IL1RAPL1: variants seen among roughly 807,000 people sequenced by gnomAD.
The protein encoded by IL1RAPL1 is interleukin 1 receptor accessory protein like 1.
A neutral mutation model predicts 48.4 loss-of-function variants in IL1RAPL1; 3 were observed. The observed-to-expected ratio is 0.06, with a 90% confidence interval of 0.03 to 0.16. The LOEUF (loss-of-function observed/expected upper bound fraction) is 0.16, where lower values mean the gene tolerates loss of function less well. IL1RAPL1 is among the 10% of genes least tolerant of loss of function. IL1RAPL1 has a pLI of 1.00. For synonymous variants in IL1RAPL1, 185 were observed against 187.7 expected (o/e 0.99, Z 0.12); for missense variants, 349 against 530.6 (o/e 0.66, Z 3.36).
At chrX:28,937,008 G>A (rs1424235826) in intron 2 of IL1RAPL1, among the ~76,000 whole-genome samples, 3 of 110,671 alleles carry the variant, frequency 2.7e-5, no homozygotes, top group Non-Finnish European at 5.7e-5. Context: ...TAGCCTCATC[G>A]TCTAGCATAG....
At chrX:29,346,346 G>A (rs988271942) in intron 3 of IL1RAPL1, among the ~76,000 whole-genome samples, 2 of 112,442 alleles carry the variant, frequency 1.8e-5, no homozygotes, top group African/African-American at 6.5e-5. Context: ...GTCAACCTCT[G>A]GTCCAACTCA....
chrX:29,637,934 C>A (rs976521983), intron 5 of IL1RAPL1, among the ~76,000 whole-genome samples: 1 of 111,959 alleles, frequency 8.9e-6, no homozygotes, highest in Non-Finnish European at 1.9e-5. Flanking sequence ...CTTCACACAG[C>A]GGACCTATGT....
intron 7 of IL1RAPL1, among the ~76,000 whole-genome samples, chrX:29,919,462 T>C (rs963977761): frequency 1.8e-5 from 2 of 112,452 alleles, no homozygotes; most frequent in African/African-American, 6.5e-5. Context: ...AGTTTCACGT[T>C]CCTTCAAAAA....
chrX:29,610,318 C>T (rs1311295556), intron 5 of IL1RAPL1, among the ~76,000 whole-genome samples: 1 of 111,681 alleles, frequency 9.0e-6, no homozygotes, highest in East Asian at 2.8e-4. Flanking sequence ...AGTAGAGGAA[C>T]AATTCAAAAG....
chrX:29,405,523 G>C (rs373370933), intron 5 of IL1RAPL1, among the ~76,000 whole-genome samples: 7 of 95,723 alleles, frequency 7.3e-5, no homozygotes, highest in African/African-American at 2.5e-4. Context: ...CCCGCCACTA[G>C]GCCCAGCTAA....
intron 5 of IL1RAPL1, among the ~76,000 whole-genome samples, chrX:29,532,521 A>T (rs754591165): frequency 4.5e-5 from 5 of 111,457 alleles, no homozygotes; most frequent in Admixed American, 1.9e-4. Flanking sequence ...CCAAATCTTC[A>T]GACCCTTGGT....
chrX:29,349,591 T>C (rs912982884), intron 3 of IL1RAPL1, among the ~76,000 whole-genome samples: 1 of 111,155 alleles, frequency 9.0e-6, no homozygotes, highest in African/African-American at 3.3e-5. Flanking sequence ...CCCCAACGAG[T>C]CTATGACATC....
intron 3 of IL1RAPL1, among the ~76,000 whole-genome samples, chrX:29,309,012 A>G (rs1932665843): frequency 8.9e-6 from 1 of 112,565 alleles, no homozygotes; most frequent in Non-Finnish European, 1.9e-5. Flanking sequence ...CTCAGTTATT[A>G]CTTAGCACAG....
intron 1 of IL1RAPL1, among the ~76,000 whole-genome samples, chrX:28,600,410 G>T (rs1404440088): frequency 9.3e-6 from 1 of 107,558 alleles, no homozygotes; most frequent in Non-Finnish European, 1.9e-5. Flanking sequence ...AGAGGAAAAA[G>T]TGGAAAATTC....
chrX:28,889,717 C>T (rs942237334), intron 2 of IL1RAPL1, among the ~76,000 whole-genome samples: 8 of 111,243 alleles, frequency 7.2e-5, no homozygotes, highest in African/African-American at 2.0e-4. Flanking sequence ...TCCTACCTTC[C>T]GTAATAGATT....
At chrX:29,500,690 G>A (rs150928999) in intron 5 of IL1RAPL1, among the ~76,000 whole-genome samples, 2,837 of 111,851 alleles carry the variant, frequency 0.025, 88 homozygotes, top group African/African-American at 0.088. Flanking sequence ...ATGTATATAT[G>A]TCACATTTTA....
chrX:29,693,373 G>A (rs909936160), intron 6 of IL1RAPL1, among the ~76,000 whole-genome samples: 3 of 112,128 alleles, frequency 2.7e-5, no homozygotes, highest in Non-Finnish European at 3.8e-5. Context: ...TTCTGCTGCC[G>A]TGGTGTCCTT....
chrX:29,846,868 T>C (rs771319704), intron 6 of IL1RAPL1, among the ~76,000 whole-genome samples: 17 of 109,362 alleles, frequency 1.6e-4, no homozygotes, highest in African/African-American at 5.3e-4. Flanking sequence ...CAGTGAATTT[T>C]AGCTTATGTC....
chrX:29,767,325 T>C (rs776620561), intron 6 of IL1RAPL1, among the ~76,000 whole-genome samples: 1 of 112,269 alleles, frequency 8.9e-6, no homozygotes, highest in South Asian at 3.7e-4. Flanking sequence ...GCAAGACATT[T>C]TCTCCGACTC....
chrX:29,304,625 C>T (rs1452810747), intron 3 of IL1RAPL1, among the ~76,000 whole-genome samples: 2 of 111,693 alleles, frequency 1.8e-5, no homozygotes, highest in African/African-American at 3.3e-5. Flanking sequence ...ATTAAATAAG[C>T]GCTATGTTGA....
chrX:29,068,126 G>A (rs1204979117), intron 2 of IL1RAPL1, among the ~76,000 whole-genome samples: 2 of 111,984 alleles, frequency 1.8e-5, no homozygotes, highest in Non-Finnish European at 3.8e-5. Flanking sequence ...TATTAAAGTA[G>A]ATAAATTAAG....
rs183722430 is a variant in IL1RAPL1 at position 28,993,409 on chromosome X, T to C, written c.82+203984T>C. On this transcript the variant is annotated intron_variant, in intron 2 of 10. Coordinates refer to ENST00000378993, the MANE Select transcript of IL1RAPL1 (RefSeq NM_014271.4). ...GAGGAGACATGATGGTGGCTGGCACTGGGGTGGCGGCAGTAGAGATGAGCT... is the reference window on the plus strand; with the variant it reads ...GAGGAGACATGATGGTGGCTGGCACCGGGGTGGCGGCAGTAGAGATGAGCT... Among the ~76,000 whole-genome samples the C allele has an allele frequency of 5.8e-3, 644 of 111,712 alleles. 4 individuals are homozygous for C. Among genetic ancestry groups the C allele is most frequent in the Middle Eastern group, 0.014 (3 of 217 alleles).
intron 2 of IL1RAPL1, among the ~76,000 whole-genome samples, chrX:29,151,886 G>A (rs1929474517): frequency 8.9e-6 from 1 of 111,741 alleles, no homozygotes; most frequent in East Asian, 2.8e-4. Flanking sequence ...ATACTGGCCA[G>A]GGGAGTTTAT....
At chrX:29,583,422 C>A (rs1413606645) in intron 5 of IL1RAPL1, among the ~76,000 whole-genome samples, 1 of 23,363 alleles carries the variant, frequency 4.3e-5, no homozygotes, top group African/African-American at 1.9e-4. Context: ...TATACACCAA[C>A]AACAGACAAA....
Sources: allele counts gnomAD v4.1 joint callset (sites outside exome capture counted in the v4.1 genomes callset), GRCh38; gene constraint gnomAD v4.1.1; transcripts MANE v1.5; gene names NCBI Gene and HGNC (gene_info 2026-07-23, HGNC 2026-07-21).